Variants in ZNRF1 observed in about 807,000 individuals in gnomAD.
ZNRF1 encodes the protein E3 ubiquitin-protein ligase ZNRF1.
In ZNRF1, 3 loss-of-function variants were observed where a neutral mutation model predicts 18.4. The ratio of observed to expected loss-of-function variants is 0.16; its 90% confidence interval spans 0.07 to 0.42. The LOEUF is 0.42. Ranked by LOEUF, ZNRF1 falls within the 10% of genes least tolerant of loss-of-function variation. ZNRF1 has a pLI of 0.99. For missense variants in ZNRF1, 310 were observed against 329.8 expected, an observed-to-expected ratio of 0.94 and a Z score of 0.47; for synonymous variants, 157 against 144.2, an observed-to-expected ratio of 1.09 and a Z score of -0.64.
At chr16:75,018,050 A>C (rs971472750) in intron 1 of ZNRF1, among the ~76,000 whole-genome samples, 1 of 152,204 alleles carries the variant, frequency 6.6e-6, no homozygotes, top group Admixed American at 6.5e-5. Flanking sequence ...AACAATAATA[A>C]CAGTGTCTAT....
chr16:75,024,593 C>G (rs185661295), intron 1 of ZNRF1, among the ~76,000 whole-genome samples: 3 of 152,230 alleles, frequency 2.0e-5, no homozygotes, highest in Non-Finnish European at 4.4e-5. Flanking sequence ...AAAAAGATGG[C>G]TTGTAAGATG....
At chr16:75,053,640 CAG>C (rs924231497) in intron 1 of ZNRF1, among the ~76,000 whole-genome samples, 1 of 150,480 alleles carries the variant, frequency 6.6e-6, no homozygotes, top group Non-Finnish European at 1.5e-5. Context: ...CTGTCACTAT[CAG>C]GGGCTATTTG....
At chr16:75,059,229 C>CTTTTTTTTTTTTTTTTT (rs35291578) in intron 1 of ZNRF1, among the ~76,000 whole-genome samples, 7 of 92,878 alleles carry the variant, frequency 7.5e-5, no homozygotes, top group Admixed American at 1.4e-4. Context: ...TTCTTTCTTT[C>CTTTTTTTTTTTTTTTTT]TTTTTTTTTT....
In ZNRF1 at chr16:75,027,440, T is replaced by G. The variant is rs369243326; in HGVS notation, c.424+27345T>G. 1.3e-4 allele frequency among the ~76,000 whole-genome samples: 20 copies of G among 152,314 alleles called. 2 individuals carry two copies. Among genetic ancestry groups the G allele is most frequent in the South Asian group, 1.2e-3 (6 of 4,826 alleles). On this transcript the variant is annotated intron_variant, in intron 1 of 4. Coordinates refer to ENST00000335325, the MANE Select transcript of ZNRF1 (RefSeq NM_032268.5). ...GTTTTGTAAAATGGTGGAGTAGATT[T>G]TCTTACCTTGTCAGCCATAAGAGTT...
At position 75,063,403 on chromosome 16, in the gene ZNRF1, G is replaced by A. The variant is rs369490122; in HGVS notation, c.425-30169G>A. On this transcript the variant is annotated intron_variant, in intron 1 of 4. Transcript: ENST00000335325. ...ATTTGGGGTGGGCATCACCAGCCAG[G>A]CCCCACCTGCTTTACTTTATCTCCC... Among the ~76,000 whole-genome samples, 13 of 152,254 alleles carry A rather than the reference G, an allele frequency of 8.5e-5. No individual in the cohort carries two copies. In the East Asian group the frequency reaches 2.3e-3, roughly 27 times the overall value.
intron 1 of ZNRF1, among the ~76,000 whole-genome samples, chr16:75,010,104 T>C (rs1481501918): frequency 2.4e-4 from 36 of 152,126 alleles, no homozygotes; most frequent in Admixed American, 2.4e-3. Flanking sequence ...TGCCTCAGCC[T>C]CCAGAGTAGC....
At chr16:75,025,688 C>T (rs970561711) in intron 1 of ZNRF1, among the ~76,000 whole-genome samples, 3 of 152,184 alleles carry the variant, frequency 2.0e-5, no homozygotes, top group African/African-American at 7.2e-5. Flanking sequence ...TCATAGGAGC[C>T]CCACTTTCTC....
chr16:75,000,132 C>T (rs371330281), intron 1 of ZNRF1, 37 bp downstream of exon 1: 16 of 1,573,346 alleles, frequency 1.0e-5, no homozygotes, highest in Admixed American at 9.5e-5. Flanking sequence ...GGAGGGAGGG[C>T]GCGCCGGGGC....
intron 1 of ZNRF1, among the ~76,000 whole-genome samples, chr16:75,029,238 C>T (rs1026645414): frequency 6.6e-6 from 1 of 152,128 alleles, no homozygotes; most frequent in African/African-American, 2.4e-5. Context: ...GCTCCACCTT[C>T]CGGGTTCACG....
chr16:75,104,690 T>C, intron 2 of ZNRF1, 94 bp from the exon 3 acceptor site: 1 of 1,103,798 alleles, frequency 9.1e-7, no homozygotes, highest in Non-Finnish European at 1.3e-6. Context: ...TTGGGGCAGC[T>C]AAGCAGTCCC....
rs544246878 is a variant in ZNRF1, at chr16:75,067,894, G to A, written c.425-25678G>A. ...ACAAATCTGAAATCCAGAACACTCT[G>A]AAAATTAAATGCTTTTTCTTAACCC... On this transcript the variant is annotated intron_variant, in intron 1 of 4. Transcript: ENST00000335325. Among the ~76,000 whole-genome samples, 5 of 152,258 alleles carry A rather than the reference G, an allele frequency of 3.3e-5. No individual in the cohort carries two copies. In the East Asian group the frequency reaches 5.8e-4, roughly 18 times the overall value.
At position 75,003,421 on chromosome 16, in the gene ZNRF1, G is replaced by A. The variant is rs181449280; in HGVS notation, c.424+3326G>A. ...TGCCACTCACATTTTTTGAGTACAT[G>A]AATTTGAGTACTTTATGTTCATCAT... On this transcript the variant is annotated intron_variant, in intron 1 of 4. Transcript: ENST00000335325. Among the ~76,000 whole-genome samples the A allele has an allele frequency of 1.4e-3, 217 of 152,292 alleles. 1 individual carries two copies. The highest frequency in any genetic ancestry group is 2.6e-3 in the Non-Finnish European group (178 of 68,022).
rs560601852 is a variant in ZNRF1 at position 75,029,170 on chromosome 16, G to A, written c.424+29075G>A. 8.5e-5 allele frequency among the ~76,000 whole-genome samples: 12 copies of A among 141,304 alleles called. 1 individual carries two copies. The highest frequency in any genetic ancestry group is 6.7e-4 in the South Asian group (3 of 4,458). 92.7% of individuals were successfully genotyped at this position (141,304 alleles called of 152,430 possible). On this transcript the variant is annotated intron_variant, in intron 1 of 4. Transcript: ENST00000335325. ...TTATTTTTATTTTTATTTTTGAGAC[G>A]GAGTCTCGTGCTGTCGCCCAGGCTG...
chr16:75,067,869 A>G (rs1700003985), intron 1 of ZNRF1, among the ~76,000 whole-genome samples: 1 of 152,226 alleles, frequency 6.6e-6, no homozygotes, highest in East Asian at 1.9e-4. Flanking sequence ...TCTCTTATCT[A>G]CAAATCTGAA....
intron 1 of ZNRF1, among the ~76,000 whole-genome samples, chr16:75,017,782 T>C (rs1394410969): frequency 6.6e-6 from 1 of 152,216 alleles, no homozygotes; most frequent in Non-Finnish European, 1.5e-5. Flanking sequence ...GTAGGGTAGA[T>C]AATTCAAATC....
At position 75,108,340 on chromosome 16, in the gene ZNRF1, A is replaced by G. The variant is rs2036341479; in HGVS notation, c.*640A>G. On this transcript the variant is annotated 3_prime_UTR_variant, in exon 5 of 5. Coordinates refer to ENST00000335325, the MANE Select transcript of ZNRF1 (RefSeq NM_032268.5). ...TGAGAACTTTCTTCCTACTGATCCC[A>G]TCTCTTTTCCCTTCTTTCCTCCTGG... 5.3e-6 allele frequency: 2 copies of G among 375,976 alleles called. No homozygotes were observed. The highest frequency in any genetic ancestry group is 9.4e-6 in the Non-Finnish European group (2 of 213,632). 23.3% of individuals were successfully genotyped at this position (375,976 alleles called of 1,614,324 possible).
chr16:75,042,655 G>A (rs1597875677), intron 1 of ZNRF1, among the ~76,000 whole-genome samples: 1 of 151,904 alleles, frequency 6.6e-6, no homozygotes, highest in South Asian at 2.1e-4. Context: ...TTTGAAATTG[G>A]GTAGTGTACA....
chr16:75,024,813 T>G (rs1193789060), intron 1 of ZNRF1, among the ~76,000 whole-genome samples: 3 of 152,272 alleles, frequency 2.0e-5, no homozygotes, highest in Non-Finnish European at 2.9e-5. Flanking sequence ...TCTTCCTGCT[T>G]CTTTCGTGGT....
intron 1 of ZNRF1, among the ~76,000 whole-genome samples, chr16:75,035,516 T>C (rs369230814): frequency 1.2e-3 from 189 of 152,246 alleles, no homozygotes; most frequent in African/African-American, 4.3e-3. Context: ...CTGAGGAGCA[T>C]AGGCAGAAGG....
Sources: allele counts gnomAD v4.1 joint callset (sites outside exome capture counted in the v4.1 genomes callset), GRCh38; gene constraint gnomAD v4.1.1; transcripts MANE v1.5; gene names NCBI Gene and HGNC (gene_info 2026-07-23, HGNC 2026-07-21).